Variants in LGSN observed in about 807,000 individuals in gnomAD.
LGSN encodes lengsin, lens protein with glutamine synthetase domain, also known as lengsin.
A neutral mutation model predicts 19.5 loss-of-function variants in LGSN; 21 were observed. That is an observed-to-expected ratio of 1.07 (90% CI 0.76 to 1.55). The LOEUF (loss-of-function observed/expected upper bound fraction) is 1.55. LGSN is among the 40% of genes most tolerant of loss of function. The probability of loss-of-function intolerance (pLI) is 0.00; values close to 1 mark genes in which losing one functional copy is unlikely to be tolerated. For missense variants in LGSN, 673 were observed against 608.5 expected, an observed-to-expected ratio of 1.11 and a Z score of -1.12; for synonymous variants, 257 against 215.6, an observed-to-expected ratio of 1.19 and a Z score of -1.68.
At position 63,280,044 on chromosome 6, in the gene LGSN, T is replaced by G; in HGVS notation, c.1507A>C (p.Lys503Gln). Residue 503 changes from lysine to glutamine, a missense_variant, in exon 4 of 4, where the codon AAA (lysine) becomes CAA (glutamine). Transcript: ENST00000370657. ...TTCTAAATAAAATACTCTAAGAATT[T>G]ATTTCTCTCTGCAGCTATTTCTTCA... ...ENEEIAAERN[K>Q]FLEYFI 2.5e-6 allele frequency: 4 copies of G among 1,607,050 alleles called. No individual in the cohort carries two copies. Among genetic ancestry groups the G allele is most frequent in the Non-Finnish European group, 3.4e-6 (4 of 1,176,950 alleles).
the LGSN span, among the ~76,000 whole-genome samples, chr6:63,418,899 A>C: frequency 6.6e-6 from 1 of 150,418 alleles, no homozygotes; most frequent in Non-Finnish European, 1.5e-5. Flanking sequence ...GCCAGCAAAG[A>C]AAACTAGACT....
the LGSN span, among the ~76,000 whole-genome samples, chr6:63,565,993 C>T: frequency 6.6e-6 from 1 of 152,218 alleles, no homozygotes; most frequent in East Asian, 1.9e-4. Context: ...CACAATAAAA[C>T]AGGTATTACA....
chr6:63,513,754 T>A, the LGSN span, among the ~76,000 whole-genome samples: 1 of 151,476 alleles, frequency 6.6e-6, no homozygotes, highest in Non-Finnish European at 1.5e-5. Flanking sequence ...CTACTAAAAA[T>A]ACAAAAATTA....
chr6:63,565,725 A>C, the LGSN span, among the ~76,000 whole-genome samples: 1 of 152,192 alleles, frequency 6.6e-6, no homozygotes, highest in Non-Finnish European at 1.5e-5. Flanking sequence ...TTATTTGCTC[A>C]TTGGAAATTT....
At chr6:63,540,508 CT>C in the LGSN span, among the ~76,000 whole-genome samples, 164 of 152,140 alleles carry the variant, frequency 1.1e-3, 1 homozygote, top group Non-Finnish European at 1.7e-3. Context: ...GTAATCCCAG[CT>C]ACTCAAGAGG....
the LGSN span, among the ~76,000 whole-genome samples, chr6:63,393,054 T>C: frequency 6.6e-6 from 1 of 151,316 alleles, no homozygotes; most frequent in Admixed American, 6.6e-5. Flanking sequence ...GCCCGGCTAA[T>C]TTTTTTGTAT....
At position 63,281,442 on chromosome 6, in the gene LGSN, A is replaced by G. The variant is rs1028936747; in HGVS notation, c.331-222T>C. On this transcript the variant is annotated intron_variant, in intron 3 of 3. Coordinates refer to ENST00000370657, the MANE Select transcript of LGSN (RefSeq NM_016571.3). ...CCAAAGGCAACTTTATAAACAATGC[A>G]TTGTTTTAAGCCTTGAAGGCCTTAT... Among the ~76,000 whole-genome samples the G allele has an allele frequency of 2.7e-5, 4 of 150,874 alleles. 1 individual carries two copies. Among genetic ancestry groups the G allele is most frequent in the Admixed American group, 2.6e-4 (4 of 15,130 alleles).
chr6:63,487,162 G>T, the LGSN span, among the ~76,000 whole-genome samples: 2 of 151,850 alleles, frequency 1.3e-5, no homozygotes, highest in African/African-American at 4.8e-5. Flanking sequence ...TAGAGATGGG[G>T]TTTCACCATA....
In LGSN at chr6:63,285,653, T is replaced by A. The variant is rs748452387; in HGVS notation, c.264A>T (p.Val88=). Residue 88 remains valine, a synonymous_variant, in exon 3 of 4, where the codon GTA becomes GTT. Coordinates refer to ENST00000370657, the MANE Select transcript of LGSN (RefSeq NM_016571.3). ...CGTGGAGGTCTGTTGCTTCAAATCG[T>A]ACAAACTGGAGGCGATTTTTGGCCA... ...QAMAKNRLQF[V]RFEATDLHGV... The A allele has an allele frequency of 1.4e-5, 22 of 1,613,958 alleles. No individual in the cohort carries two copies. Among genetic ancestry groups the A allele is most frequent in the Non-Finnish European group, 1.9e-5 (22 of 1,179,954 alleles).
At chr6:63,501,039 T>C in the LGSN span, among the ~76,000 whole-genome samples, 2 of 152,146 alleles carry the variant, frequency 1.3e-5, no homozygotes, top group East Asian at 1.9e-4. Flanking sequence ...GACAGGTTAT[T>C]TCAAATCTGT....
chr6:63,440,464 T>A, the LGSN span, among the ~76,000 whole-genome samples: 8 of 152,194 alleles, frequency 5.3e-5, no homozygotes, highest in Admixed American at 1.3e-4. Context: ...AATGTGTCTG[T>A]CTGCCTAAAT....
chr6:63,295,341 G>T (rs888127342), intron 1 of LGSN, among the ~76,000 whole-genome samples: 2 of 151,742 alleles, frequency 1.3e-5, no homozygotes, highest in African/African-American at 2.4e-5. Flanking sequence ...TTTTTACTTT[G>T]GGAATTTTAT....
chr6:63,341,209 G>A, the LGSN span, among the ~76,000 whole-genome samples: 1 of 152,122 alleles, frequency 6.6e-6, no homozygotes, highest in South Asian at 2.1e-4. Flanking sequence ...TGATCCTCAG[G>A]CCCCTAGATG....
intron 1 of LGSN, among the ~76,000 whole-genome samples, chr6:63,309,927 T>A (rs1319257657): frequency 1.3e-5 from 2 of 152,208 alleles, no homozygotes; most frequent in Non-Finnish European, 2.9e-5. Context: ...TATTTTTCTA[T>A]AACACAATTT....
the LGSN span, among the ~76,000 whole-genome samples, chr6:63,513,605 G>A: frequency 2.6e-5 from 4 of 151,858 alleles, no homozygotes; most frequent in Admixed American, 1.3e-4. Flanking sequence ...TGTTGTTTTT[G>A]CACATTCAAC....
the LGSN span, among the ~76,000 whole-genome samples, chr6:63,476,296 G>A: frequency 6.6e-6 from 1 of 152,182 alleles, no homozygotes; most frequent in Non-Finnish European, 1.5e-5. Flanking sequence ...AAAGCTTGAT[G>A]TGACAGAAGT....
chr6:63,286,147 T>G (rs539474979), intron 2 of LGSN, among the ~76,000 whole-genome samples: 1 of 152,354 alleles, frequency 6.6e-6, no homozygotes, highest in Non-Finnish European at 1.5e-5. Flanking sequence ...TTGGGCTTCT[T>G]GAACTAACTG....
the LGSN span, among the ~76,000 whole-genome samples, chr6:63,371,682 C>T: frequency 2.0e-5 from 3 of 152,142 alleles, no homozygotes; most frequent in Non-Finnish European, 2.9e-5. Context: ...GTCAAAATAA[C>T]ACATTTTCTT....
the LGSN span, among the ~76,000 whole-genome samples, chr6:63,438,285 T>C: frequency 2.0e-5 from 3 of 152,134 alleles, no homozygotes; most frequent in Admixed American, 6.5e-5. Context: ...ATTCAGGACA[T>C]AGGCATGGGT....
Sources: gnomAD v4.1 joint callset for allele counts (sites outside exome capture counted in the v4.1 genomes callset) on GRCh38, gnomAD v4.1.1 for gene constraint, MANE v1.5 for transcripts, NCBI Gene and HGNC (gene_info 2026-07-23, HGNC 2026-07-21) for gene names.